METAP2: variants seen among roughly 807,000 people sequenced by gnomAD.
METAP2 encodes the protein methionine aminopeptidase 2.
In METAP2, 25 loss-of-function variants were observed where a neutral mutation model predicts 59.4. The ratio of observed to expected loss-of-function variants is 0.42; its 90% CI spans 0.31 to 0.59. The LOEUF (loss-of-function observed/expected upper bound fraction) is 0.59, where lower values mean the gene tolerates loss of function less well. Ranked by LOEUF, METAP2 falls within the 20% of genes least tolerant of loss-of-function variation. The probability of loss-of-function intolerance (pLI) is 0.16; values close to 1 mark genes in which losing one functional copy is unlikely to be tolerated. For synonymous variants in METAP2, 214 were observed against 194.1 expected (o/e 1.10, Z -0.85); for missense variants, 366 against 581.2 (o/e 0.63, Z 3.81).
intron 2 of METAP2, among the ~76,000 whole-genome samples, chr12:95,479,273 G>C (rs188476659): frequency 6.6e-6 from 1 of 152,320 alleles, no homozygotes; most frequent in Admixed American, 6.5e-5. Context: ...CCAGTGAACA[G>C]TAGTGTGGAA....
intron 6 of METAP2, among the ~76,000 whole-genome samples, chr12:95,495,353 GTAGAA>G (rs1414018528): frequency 6.6e-6 from 1 of 152,064 alleles, no homozygotes; most frequent in African/African-American, 2.4e-5. Flanking sequence ...ATACTACTAA[GTAGAA>G]TAAAATGAAA....
chr12:95,481,113 C>T (rs1156403995), intron 2 of METAP2, among the ~76,000 whole-genome samples: 1 of 152,110 alleles, frequency 6.6e-6, no homozygotes, highest in Non-Finnish European at 1.5e-5. Context: ...CTGATTTGGG[C>T]ATAGTAGTAA....
At chr12:95,502,223 C>T (rs758572669) in intron 7 of METAP2, among the ~76,000 whole-genome samples, 2 of 152,036 alleles carry the variant, frequency 1.3e-5, no homozygotes, top group Non-Finnish European at 2.9e-5. Flanking sequence ...CCAGGCTGGT[C>T]TTGAGCTCCT....
intron 7 of METAP2, 65 bp downstream of exon 7, chr12:95,496,163 T>C: frequency 9.8e-7 from 1 of 1,015,642 alleles, no homozygotes; most frequent in South Asian, 1.5e-5. Context: ...TTTTAAACAC[T>C]TAACAGCATT....
In METAP2 at chr12:95,513,988, T is replaced by C; in HGVS notation, c.*84T>C. The C allele has an allele frequency of 6.8e-7, 1 of 1,468,034 alleles. No individual in the cohort carries two copies. The highest frequency in any genetic ancestry group is 9.2e-7 in the Non-Finnish European group (1 of 1,086,488). The allele number at this position is 1,468,034 out of a possible 1,614,324, so 90.9% of individuals were successfully genotyped here. On this transcript the variant is annotated 3_prime_UTR_variant, in exon 11 of 11. Coordinates refer to ENST00000323666, the MANE Select transcript of METAP2 (RefSeq NM_006838.4). ...ACCAGAATTAATTTGCCACATGTTG[T>C]CTGTTTTAACAGTGGACCCATGTAA...
intron 7 of METAP2, among the ~76,000 whole-genome samples, chr12:95,499,166 G>A (rs1160968253): frequency 1.3e-5 from 2 of 152,120 alleles, no homozygotes; most frequent in Non-Finnish European, 2.9e-5. Flanking sequence ...TTTTGAGACA[G>A]GGTCTTGCTC....
intron 5 of METAP2, among the ~76,000 whole-genome samples, chr12:95,494,587 C>A (rs1230120361): frequency 6.6e-6 from 1 of 152,144 alleles, no homozygotes; most frequent in Non-Finnish European, 1.5e-5. Context: ...TCTAGTTTTT[C>A]CTTTTGATAA....
chr12:95,495,880 A>G, intron 6 of METAP2, 124 bp from the exon 7 acceptor site: 1 of 632,686 alleles, frequency 1.6e-6, no homozygotes, highest in South Asian at 2.0e-5. Context: ...TTTGGAGTGC[A>G]GCCTTCATTT....
At chr12:95,487,587 C>CT (rs1294735133) in intron 4 of METAP2, among the ~76,000 whole-genome samples, 1 of 119,320 alleles carries the variant, frequency 8.4e-6, no homozygotes, top group Non-Finnish European at 1.7e-5. Context: ...AATATAATCT[C>CT]TTAATTTTTT....
chr12:95,479,294 A>G (rs1325455973), intron 2 of METAP2, among the ~76,000 whole-genome samples: 1 of 152,178 alleles, frequency 6.6e-6, no homozygotes, highest in South Asian at 2.1e-4. Flanking sequence ...GCAGAATTCA[A>G]AAGACTTGGA....
At chr12:95,509,844 A>ACCC (rs1491558104) in intron 8 of METAP2, among the ~76,000 whole-genome samples, 2 of 119,664 alleles carry the variant, frequency 1.7e-5, no homozygotes, top group Non-Finnish European at 3.4e-5. Context: ...CCTCCCCCCC[A>ACCC]ACCTTTTTTT....
intron 5 of METAP2, among the ~76,000 whole-genome samples, chr12:95,494,558 C>T (rs1290400483): frequency 6.6e-6 from 1 of 152,124 alleles, no homozygotes; most frequent in African/African-American, 2.4e-5. Flanking sequence ...AGTAACAAAA[C>T]CAATTCAAGT....
chr12:95,503,843 G>A (rs1211098495), intron 7 of METAP2, among the ~76,000 whole-genome samples: 1 of 152,154 alleles, frequency 6.6e-6, no homozygotes, highest in African/African-American at 2.4e-5. Flanking sequence ...ACTTACATTA[G>A]ACAGATTTTG....
intron 4 of METAP2, among the ~76,000 whole-genome samples, chr12:95,489,533 C>G (rs1427020850): frequency 6.6e-6 from 1 of 152,152 alleles, no homozygotes; most frequent in Non-Finnish European, 1.5e-5. Context: ...GCAAATAGAT[C>G]AGATTCAGTA....
intron 7 of METAP2, among the ~76,000 whole-genome samples, chr12:95,501,482 T>C (rs2076315240): frequency 6.6e-6 from 1 of 152,220 alleles, no homozygotes; most frequent in Non-Finnish European, 1.5e-5. Flanking sequence ...CTTGGGAGGC[T>C]GAGGCGGGCG....
chr12:95,480,592 A>AAT (rs1466994743), intron 2 of METAP2, among the ~76,000 whole-genome samples: 1 of 152,158 alleles, frequency 6.6e-6, no homozygotes, highest in Admixed American at 6.5e-5. Flanking sequence ...TTGTGGTTTT[A>AAT]ATATGCACTT....
chr12:95,484,773 A>G (rs1367247666), intron 3 of METAP2: 5 of 427,876 alleles, frequency 1.2e-5, no homozygotes, highest in Non-Finnish European at 2.3e-5. Context: ...AGTCTGTTTC[A>G]TCTCAGAACC....
chr12:95,483,307 G>T (rs757164308), intron 3 of METAP2, 27 bp downstream of exon 3: 3 of 1,547,124 alleles, frequency 1.9e-6, no homozygotes, highest in Non-Finnish European at 1.8e-6. Flanking sequence ...AATGTTAATT[G>T]ATATATTAGA....
intron 7 of METAP2, among the ~76,000 whole-genome samples, chr12:95,498,830 A>G (rs1034179740): frequency 6.6e-6 from 1 of 152,066 alleles, no homozygotes; most frequent in Non-Finnish European, 1.5e-5. Context: ...CCTGGGTAAG[A>G]TAGCAAGACC....
Sources: gnomAD v4.1 joint callset for allele counts (sites outside exome capture counted in the v4.1 genomes callset) on GRCh38, gnomAD v4.1.1 for gene constraint, MANE v1.5 for transcripts, NCBI Gene and HGNC (gene_info 2026-07-23, HGNC 2026-07-21) for gene names.